Variants in THSD4 observed in about 807,000 individuals in gnomAD.
The protein encoded by THSD4 is thrombospondin type-1 domain-containing protein 4.
A neutral mutation model predicts 119.0 loss-of-function variants in THSD4; 69 were observed. The ratio of observed to expected loss-of-function variants is 0.58; its 90% CI spans 0.48 to 0.71. The LOEUF (loss-of-function observed/expected upper bound fraction) is 0.71. THSD4 is among the 30% of genes least tolerant of loss of function. THSD4 has a pLI of 0.00. For missense variants in THSD4, 1,393 were observed against 1,391.1 expected (o/e 1.00, Z -0.02); for synonymous variants, 524 against 540.4 (o/e 0.97, Z 0.42).
At chr15:71,351,260 G>A (rs1175465812) in intron 6 of THSD4, among the ~76,000 whole-genome samples, 1 of 152,158 alleles carries the variant, frequency 6.6e-6, no homozygotes, top group Non-Finnish European at 1.5e-5. Flanking sequence ...TACAGCAGAA[G>A]CCCAAACCTA....
intron 7 of THSD4, among the ~76,000 whole-genome samples, chr15:71,592,358 C>T (rs1335358079): frequency 6.6e-6 from 1 of 152,166 alleles, no homozygotes; most frequent in Non-Finnish European, 1.5e-5. Context: ...CTGTTGGCAG[C>T]CCCCAGAGCC....
chr15:71,133,511 A>G (rs2141363902), intron 1 of THSD4, among the ~76,000 whole-genome samples: 1 of 152,334 alleles, frequency 6.6e-6, no homozygotes, highest in East Asian at 1.9e-4. Flanking sequence ...AGGAAAGACA[A>G]GCACAAATCA....
intron 1 of THSD4, among the ~76,000 whole-genome samples, chr15:71,133,554 A>C (rs776587818): frequency 6.6e-6 from 1 of 152,222 alleles, no homozygotes; most frequent in Non-Finnish European, 1.5e-5. Context: ...CTAGTTCTGC[A>C]TCTGAGACTT....
chr15:71,224,591 A>G (rs1314884144), intron 4 of THSD4, among the ~76,000 whole-genome samples: 2 of 152,218 alleles, frequency 1.3e-5, no homozygotes, highest in Non-Finnish European at 2.9e-5. Context: ...TTGCTTAAAA[A>G]AAACACACCA....
intron 7 of THSD4, among the ~76,000 whole-genome samples, chr15:71,570,838 C>T (rs144125065): frequency 6.4e-4 from 98 of 152,272 alleles, no homozygotes; most frequent in African/African-American, 2.3e-3. Context: ...AAGATTCATT[C>T]CAGCTGTGAC....
chr15:71,222,328 G>A (rs1343675195), intron 4 of THSD4, among the ~76,000 whole-genome samples: 1 of 152,128 alleles, frequency 6.6e-6, no homozygotes, highest in Non-Finnish European at 1.5e-5. Context: ...TAAAGGGCCC[G>A]ATATCAGGCA....
intron 3 of THSD4, among the ~76,000 whole-genome samples, chr15:71,189,657 A>G (rs1297578572): frequency 7.1e-6 from 1 of 141,350 alleles, no homozygotes; most frequent in South Asian, 2.4e-4. Context: ...GCGACAGAGC[A>G]AGACTCCGTC....
intron 7 of THSD4, among the ~76,000 whole-genome samples, chr15:71,615,143 G>A (rs944962252): frequency 6.6e-6 from 1 of 152,092 alleles, no homozygotes; most frequent in Non-Finnish European, 1.5e-5. Context: ...AAAACAATTG[G>A]CCAATTTTTT....
At chr15:71,763,621 C>T (rs1023123670) in intron 15 of THSD4, among the ~76,000 whole-genome samples, 5 of 151,438 alleles carry the variant, frequency 3.3e-5, no homozygotes, top group Non-Finnish European at 7.4e-5. Flanking sequence ...GATCTTGGCT[C>T]ACTGCAACCT....
intron 6 of THSD4, among the ~76,000 whole-genome samples, chr15:71,312,193 T>G (rs1168070089): frequency 6.6e-6 from 1 of 152,110 alleles, no homozygotes; most frequent in African/African-American, 2.4e-5. Flanking sequence ...AAAGAGGTAA[T>G]TGAGGCCGTC....
At chr15:71,120,435 T>C (rs2141352517) in intron 1 of THSD4, among the ~76,000 whole-genome samples, 1 of 152,352 alleles carries the variant, frequency 6.6e-6, no homozygotes, top group East Asian at 1.9e-4. Flanking sequence ...TGAGGTGTCA[T>C]CCCAGGCATT....
rs190851050 is a variant in THSD4, at chr15:71,469,730, A to G, written c.1152+57907A>G. Among the ~76,000 whole-genome samples the G allele has an allele frequency of 6.2e-3, 944 of 152,272 alleles. 4 individuals are homozygous for G. The highest frequency in any genetic ancestry group is 0.01 in the Non-Finnish European group (695 of 68,008). On this transcript the variant is annotated intron_variant, in intron 7 of 17. Transcript: ENST00000261862. ...TTTCAGTCTGGTGATCTCCCTCCCCATGATCTCCACCATGCTGGTCTCGCT... is the reference window on the plus strand; with the variant it reads ...TTTCAGTCTGGTGATCTCCCTCCCCGTGATCTCCACCATGCTGGTCTCGCT...
chr15:71,727,238 A>G (rs1455876357), intron 8 of THSD4, among the ~76,000 whole-genome samples: 7 of 152,002 alleles, frequency 4.6e-5, no homozygotes, highest in Admixed American at 4.6e-4. Flanking sequence ...ATTAAATTTG[A>G]CAGTGCACGT....
chr15:71,439,769 A>G (rs760965690), intron 7 of THSD4, among the ~76,000 whole-genome samples: 12 of 152,148 alleles, frequency 7.9e-5, no homozygotes, highest in Admixed American at 1.3e-4. Context: ...AGGAACAGAA[A>G]ACCAGACACC....
At chr15:71,557,660 G>A (rs1351469746) in intron 7 of THSD4, among the ~76,000 whole-genome samples, 1 of 152,112 alleles carries the variant, frequency 6.6e-6, no homozygotes, top group African/African-American at 2.4e-5. Flanking sequence ...ATAATTATAG[G>A]AGTATTAAGG....
At position 71,460,305 on chromosome 15, in the gene THSD4, G is replaced by GTTTTT. The variant is rs563476190; in HGVS notation, c.1152+48500_1152+48504dup. On this transcript the variant is annotated intron_variant, in intron 7 of 17. Coordinates refer to ENST00000261862, the MANE Select transcript of THSD4 (RefSeq NM_024817.3). ...GTGGAGAAGAAATACAAGTTGCCTG[G>GTTTTT]TTTTTTTTTTTTTTTTTTTTTTGAA... Among the ~76,000 whole-genome samples the GTTTTT allele has an allele frequency of 3.0e-3, 368 of 122,576 alleles. 3 individuals are homozygous for GTTTTT. Among genetic ancestry groups the GTTTTT allele is most frequent in the Non-Finnish European group, 5.5e-3 (324 of 58,986 alleles). The allele number at this position is 122,576 out of a possible 152,430, so 80.4% of individuals were successfully genotyped here.
intron 6 of THSD4, among the ~76,000 whole-genome samples, chr15:71,393,420 C>G (rs946061510): frequency 1.3e-5 from 2 of 151,914 alleles, no homozygotes; most frequent in African/African-American, 4.8e-5. Flanking sequence ...ATCCAATGAG[C>G]CTTCATGCAG....
At chr15:71,314,211 C>G (rs1356259389) in intron 6 of THSD4, among the ~76,000 whole-genome samples, 1 of 151,020 alleles carries the variant, frequency 6.6e-6, no homozygotes, top group Non-Finnish European at 1.5e-5. Flanking sequence ...ATTTTTTTTT[C>G]TCTTTTGTTT....
rs1555431558 is a variant in THSD4, at chr15:71,608,237, A to ATATATAT, written c.1153-52293_1153-52292insTATATAT. 1.2e-3 allele frequency among the ~76,000 whole-genome samples: 139 copies of ATATATAT among 111,580 alleles called. 1 individual carries two copies. In the East Asian group the frequency reaches 0.017, roughly 13 times the overall value. 73.2% of individuals were successfully genotyped at this position (111,580 alleles called of 152,430 possible). A position where few individuals can be genotyped will look rare whatever the true frequency, so the allele number is the denominator to read the frequency against. ...AACTCTGTCTCAAAAAAAAAAAAAAAATATATATATATACACACACACACA... is the reference window on the plus strand; with the variant it reads ...AACTCTGTCTCAAAAAAAAAAAAAAATATATATATATATATATATACACACACACACA... On this transcript the variant is annotated intron_variant, in intron 7 of 17. Transcript: ENST00000261862.
Sources: allele counts gnomAD v4.1 joint callset (sites outside exome capture counted in the v4.1 genomes callset), GRCh38; gene constraint gnomAD v4.1.1; transcripts MANE v1.5; gene names NCBI Gene and HGNC (gene_info 2026-07-23, HGNC 2026-07-21).